The following EXT1 variants were observed in gnomAD, a reference collection of about 807,000 sequenced individuals.
The protein encoded by EXT1 is exostosin glycosyltransferase 1.
In EXT1, 20 loss-of-function variants were observed where a neutral mutation model predicts 82.5. That is an observed-to-expected ratio of 0.24 (90% confidence interval 0.17 to 0.35). EXT1 has a LOEUF of 0.35. Ranked by LOEUF, EXT1 falls within the 10% of genes least tolerant of loss-of-function variation. EXT1 has a pLI of 1.00. For synonymous variants in EXT1, 348 were observed against 350.8 expected (o/e 0.99, Z 0.09); for missense variants, 757 against 936.5 (o/e 0.81, Z 2.50).
At chr8:117,870,823 TCA>T (rs59973422) in intron 1 of EXT1, among the ~76,000 whole-genome samples, 51 of 146,718 alleles carry the variant, frequency 3.5e-4, no homozygotes, top group Admixed American at 8.1e-4. Flanking sequence ...AAATGCTTTG[TCA>T]CACACACACA....
chr8:118,066,499 C>T (rs1029460157), intron 1 of EXT1, among the ~76,000 whole-genome samples: 1 of 151,466 alleles, frequency 6.6e-6, no homozygotes, highest in Non-Finnish European at 1.5e-5. Flanking sequence ...ACTGGAATTA[C>T]AGGTGCGCAC....
chr8:117,959,860 G>C (rs1466268479), intron 1 of EXT1, among the ~76,000 whole-genome samples: 1 of 152,122 alleles, frequency 6.6e-6, no homozygotes, highest in East Asian at 1.9e-4. Flanking sequence ...TCATTTCAAA[G>C]CTTCATTGTG....
At chr8:118,036,062 G>C (rs1379801056) in intron 1 of EXT1, among the ~76,000 whole-genome samples, 1 of 148,228 alleles carries the variant, frequency 6.7e-6, no homozygotes, top group African/African-American at 2.5e-5. Flanking sequence ...CCCTTTCTCT[G>C]TATCTCAGTC....
At chr8:118,026,962 T>TG (rs1278665488) in intron 1 of EXT1, among the ~76,000 whole-genome samples, 2 of 152,160 alleles carry the variant, frequency 1.3e-5, no homozygotes, top group Non-Finnish European at 2.9e-5. Flanking sequence ...TACTTCCAGC[T>TG]GGGCTCAGTG....
At chr8:117,922,949 T>A (rs1401030497) in intron 1 of EXT1, among the ~76,000 whole-genome samples, 1 of 152,180 alleles carries the variant, frequency 6.6e-6, no homozygotes, top group East Asian at 1.9e-4. Flanking sequence ...TCCTGAGCAA[T>A]TGTCCATGGG....
intron 1 of EXT1, among the ~76,000 whole-genome samples, chr8:118,077,744 A>T (rs1817237632): frequency 6.6e-6 from 1 of 152,246 alleles, no homozygotes; most frequent in South Asian, 2.1e-4. Flanking sequence ...AAATGTTTTT[A>T]AAGAGTTACC....
intron 1 of EXT1, among the ~76,000 whole-genome samples, chr8:118,040,812 A>C (rs1339085220): frequency 6.6e-6 from 1 of 152,214 alleles, no homozygotes; most frequent in East Asian, 1.9e-4. Context: ...GCCCTTGTTT[A>C]ATAAAAAGCA....
In EXT1 at chr8:117,799,632, T is replaced by C. The variant is rs1823133389; in HGVS notation, c.*80A>G. Reference sequence around the variant, plus strand: ...AGTTGGCACAATCTGGCTCTGCTGATGAGTGGATCTGCACTGGGAAGAGAG... The same window carrying C: ...AGTTGGCACAATCTGGCTCTGCTGACGAGTGGATCTGCACTGGGAAGAGAG... On this transcript the variant is annotated 3_prime_UTR_variant, in exon 11 of 11. Coordinates refer to ENST00000378204, the MANE Select transcript of EXT1 (RefSeq NM_000127.3). 1.3e-6 allele frequency: 2 copies of C among 1,518,488 alleles called. No homozygotes were observed. Among genetic ancestry groups the C allele is most frequent in the African/African-American group, 1.4e-5 (1 of 72,988 alleles). 94.1% of individuals were successfully genotyped at this position (1,518,488 alleles called of 1,614,324 possible). A position where few individuals can be genotyped will look rare whatever the true frequency, so the allele number is the denominator to read the frequency against.
At chr8:117,919,438 C>T (rs557212413) in intron 1 of EXT1, among the ~76,000 whole-genome samples, 48 of 152,096 alleles carry the variant, frequency 3.2e-4, no homozygotes, top group African/African-American at 1.2e-3. Flanking sequence ...AGTCCTCCCA[C>T]CTTGACCTCC....
intron 1 of EXT1, among the ~76,000 whole-genome samples, chr8:118,012,166 C>T (rs369107351): frequency 6.6e-6 from 1 of 152,350 alleles, no homozygotes; most frequent in South Asian, 2.1e-4. Flanking sequence ...CAAAAGCTCT[C>T]GCCAAAAGTA....
At chr8:117,953,377 A>G (rs1586306145) in intron 1 of EXT1, among the ~76,000 whole-genome samples, 1 of 152,170 alleles carries the variant, frequency 6.6e-6, no homozygotes. Flanking sequence ...ATTATAGGAG[A>G]AATGATCATT....
intron 1 of EXT1, among the ~76,000 whole-genome samples, chr8:118,037,085 G>C (rs1043804700): frequency 6.6e-6 from 1 of 152,142 alleles, no homozygotes; most frequent in Non-Finnish European, 1.5e-5. Context: ...GAGACAATGG[G>C]AAAGAAAATT....
chr8:118,055,987 C>T (rs1431279296), intron 1 of EXT1, among the ~76,000 whole-genome samples: 1 of 152,160 alleles, frequency 6.6e-6, no homozygotes, highest in African/African-American at 2.4e-5. Flanking sequence ...GATGTCCAAT[C>T]TTTTGGCTTC....
rs79049503 is a variant in EXT1, at chr8:117,943,589, G to T, written c.963-106388C>A. Among the ~76,000 whole-genome samples the T allele has an allele frequency of 9.4e-3, 1,428 of 152,314 alleles. 25 individuals are homozygous for T. The highest frequency in any genetic ancestry group is 0.033 in the African/African-American group (1,356 of 41,558). ...TATTCCTGCAAAAGAAAGTACATGTGAGTGTTTGCACGTACATGCCTGTGG... is the reference window on the plus strand; with the variant it reads ...TATTCCTGCAAAAGAAAGTACATGTTAGTGTTTGCACGTACATGCCTGTGG... On this transcript the variant is annotated intron_variant, in intron 1 of 10. Coordinates refer to ENST00000378204, the MANE Select transcript of EXT1 (RefSeq NM_000127.3).
intron 1 of EXT1, among the ~76,000 whole-genome samples, chr8:117,923,193 T>TG (rs1443496366): frequency 6.6e-6 from 1 of 151,890 alleles, no homozygotes; most frequent in Non-Finnish European, 1.5e-5. Context: ...GGCGTGGTGG[T>TG]GGGTCCCTGT....
chr8:117,801,811 G>A (rs1823170583), intron 10 of EXT1, among the ~76,000 whole-genome samples: 1 of 152,184 alleles, frequency 6.6e-6, no homozygotes. Flanking sequence ...CGGCCTGTGG[G>A]CCATTTTTGA....
In EXT1 at chr8:117,915,074, T is replaced by C. The variant is rs957563228; in HGVS notation, c.963-77873A>G. The stretch of plus-strand genomic sequence containing the variant: ...GGTGGGCATCACGGTCCTACCAATA[T>C]GTGATGTCACCCCCAGCAGCCCAGC... On this transcript the variant is annotated intron_variant, in intron 1 of 10. Transcript: ENST00000378204. Among the ~76,000 whole-genome samples, 4 of 152,320 alleles carry C rather than the reference T, an allele frequency of 2.6e-5. No homozygotes were observed. In the East Asian group the frequency reaches 5.8e-4, roughly 22 times the overall value.
intron 1 of EXT1, among the ~76,000 whole-genome samples, chr8:118,070,226 C>CTGTGTGTG (rs36229782): frequency 0.01 from 1,391 of 133,400 alleles, 19 homozygotes; most frequent in East Asian, 0.021. Flanking sequence ...TCATAAATTT[C>CTGTGTGTG]TGTGTGTGTG....
chr8:117,898,336 C>T (rs779565415), intron 1 of EXT1, among the ~76,000 whole-genome samples: 3 of 152,190 alleles, frequency 2.0e-5, no homozygotes, highest in Non-Finnish European at 4.4e-5. Context: ...GGCTGGCACA[C>T]TGTCCCAGGC....
Sources: allele counts gnomAD v4.1 joint callset (sites outside exome capture counted in the v4.1 genomes callset), GRCh38; gene constraint gnomAD v4.1.1; transcripts MANE v1.5; gene names NCBI Gene and HGNC (gene_info 2026-07-23, HGNC 2026-07-21).